CHRNA7: variants seen among roughly 807,000 people sequenced by gnomAD.
CHRNA7 encodes neuronal acetylcholine receptor subunit alpha-7.
A neutral mutation model predicts 48.0 loss-of-function variants in CHRNA7; 17 were observed. The observed-to-expected ratio is 0.35, with a 90% confidence interval of 0.24 to 0.53. The LOEUF (loss-of-function observed/expected upper bound fraction) is 0.53. Among genes scored for constraint, CHRNA7 ranks in the 20% least tolerant of loss-of-function variants. The probability of loss-of-function intolerance (pLI) is 0.92; values close to 1 mark genes in which losing one functional copy is unlikely to be tolerated. For missense variants in CHRNA7, 155 were observed against 577.7 expected (o/e 0.27, Z 7.50); for synonymous variants, 75 against 242.3 (o/e 0.31, Z 6.41).
chr15:32,044,253 CTCCTTCCT>C (rs10638387), intron 2 of CHRNA7, among the ~76,000 whole-genome samples: 15 of 140,918 alleles, frequency 1.1e-4, no homozygotes, highest in East Asian at 8.4e-4. Context: ...CGATCTTTTC[CTCCTTCCT>C]TCCTTCCTTC....
intron 2 of CHRNA7, among the ~76,000 whole-genome samples, chr15:32,080,614 A>G (rs1195628284): frequency 6.6e-6 from 1 of 152,196 alleles, no homozygotes; most frequent in Non-Finnish European, 1.5e-5. Flanking sequence ...TGCCAGTCAG[A>G]ATGGCGATTA....
intron 4 of CHRNA7, among the ~76,000 whole-genome samples, chr15:32,132,790 C>T (rs867973564): frequency 6.6e-6 from 1 of 152,134 alleles, no homozygotes; most frequent in African/African-American, 2.4e-5. Context: ...TCTTGCTTAT[C>T]GTTTTTAGCC....
chr15:32,147,349 C>T (rs1246519897), intron 4 of CHRNA7, among the ~76,000 whole-genome samples: 4 of 152,158 alleles, frequency 2.6e-5, no homozygotes, highest in African/African-American at 4.8e-5. Context: ...GCATCGCATG[C>T]GATATACCCA....
chr15:32,086,135 T>C (rs1171688770), intron 2 of CHRNA7, among the ~76,000 whole-genome samples: 2 of 152,054 alleles, frequency 1.3e-5, no homozygotes, highest in East Asian at 1.9e-4. Flanking sequence ...TTTGGGAGGC[T>C]GAGGCGGGCA....
At chr15:32,033,697 C>T (rs1901952184) in intron 2 of CHRNA7, among the ~76,000 whole-genome samples, 1 of 152,218 alleles carries the variant, frequency 6.6e-6, no homozygotes, top group African/African-American at 2.4e-5. Context: ...AATCTCAGCG[C>T]TCTGGACAGA....
At chr15:32,115,223 G>A (rs2050848180) in intron 4 of CHRNA7, among the ~76,000 whole-genome samples, 1 of 152,164 alleles carries the variant, frequency 6.6e-6, no homozygotes. Context: ...GGACACTAGT[G>A]ATCACAGCTA....
chr15:32,060,403 A>G (rs953397980), intron 2 of CHRNA7, among the ~76,000 whole-genome samples: 1 of 152,230 alleles, frequency 6.6e-6, no homozygotes, highest in African/African-American at 2.4e-5. Context: ...CATATATAGA[A>G]AAAATAAATT....
In CHRNA7 at chr15:32,106,969, G is replaced by T. The variant is rs915769582; in HGVS notation, c.241-4821G>T. On this transcript the variant is annotated intron_variant, in intron 3 of 9. Coordinates refer to ENST00000306901, the MANE Select transcript of CHRNA7 (RefSeq NM_000746.6). Reference sequence around the variant, plus strand: ...TTACAGACAAGCCGGCTAGTGGCTTGCTTAGGGCTGTGATGGCATCTCAAG... The same window carrying T: ...TTACAGACAAGCCGGCTAGTGGCTTTCTTAGGGCTGTGATGGCATCTCAAG... 2.6e-5 allele frequency among the ~76,000 whole-genome samples: 4 copies of T among 152,278 alleles called. No homozygotes were observed. In the East Asian group the frequency reaches 7.7e-4, roughly 29 times the overall value.
intron 3 of CHRNA7, among the ~76,000 whole-genome samples, chr15:32,105,951 C>T (rs1049935427): frequency 6.6e-6 from 1 of 152,170 alleles, no homozygotes; most frequent in Non-Finnish European, 1.5e-5. Context: ...TCCCCGCCCC[C>T]ACCCAGTGTT....
chr15:32,133,722 G>A (rs2051195854), intron 4 of CHRNA7, among the ~76,000 whole-genome samples: 1 of 152,200 alleles, frequency 6.6e-6, no homozygotes, highest in South Asian at 2.1e-4. Flanking sequence ...GCCTCCTGGT[G>A]CTGGTTTGAT....
chr15:32,129,130 T>C (rs1022104152), intron 4 of CHRNA7, among the ~76,000 whole-genome samples: 1 of 151,964 alleles, frequency 6.6e-6, no homozygotes, highest in African/African-American at 2.4e-5. Flanking sequence ...GTGTAATTCC[T>C]TATATATACT....
chr15:32,051,987 T>TG (rs2141189759), intron 2 of CHRNA7, among the ~76,000 whole-genome samples: 1 of 152,300 alleles, frequency 6.6e-6, no homozygotes, highest in South Asian at 2.1e-4. Flanking sequence ...CTCTCTTCAG[T>TG]AAGTCTTGAG....
intron 4 of CHRNA7, among the ~76,000 whole-genome samples, chr15:32,121,799 C>T (rs1011545029): frequency 6.6e-6 from 1 of 151,892 alleles, no homozygotes; most frequent in African/African-American, 2.4e-5. Context: ...GGGCCCTTAG[C>T]GGGGAGGGGG....
chr15:32,038,689 T>C (rs1054787597), intron 2 of CHRNA7, among the ~76,000 whole-genome samples: 2 of 152,198 alleles, frequency 1.3e-5, no homozygotes, highest in African/African-American at 4.8e-5. Context: ...TGAGCATTTT[T>C]GAATCTGTGT....
intron 3 of CHRNA7, among the ~76,000 whole-genome samples, chr15:32,107,969 G>C (rs1038358640): frequency 6.6e-6 from 1 of 152,118 alleles, no homozygotes; most frequent in Non-Finnish European, 1.5e-5. Context: ...GAAATTCCCA[G>C]GGCTTTGGAA....
chr15:32,044,380 C>T (rs958988608), intron 2 of CHRNA7, among the ~76,000 whole-genome samples: 8 of 152,056 alleles, frequency 5.3e-5, no homozygotes, highest in African/African-American at 1.9e-4. Context: ...TGGATTCAAG[C>T]AATTCTTCTG....
intron 4 of CHRNA7, among the ~76,000 whole-genome samples, chr15:32,127,062 G>C (rs944518484): frequency 3.9e-5 from 6 of 152,170 alleles, no homozygotes; most frequent in Admixed American, 2.0e-4. Context: ...CATCCCGCTT[G>C]TCCCTAACTA....
chr15:32,142,157 T>G (rs1426799106), intron 4 of CHRNA7, among the ~76,000 whole-genome samples: 1 of 152,246 alleles, frequency 6.6e-6, no homozygotes, highest in African/African-American at 2.4e-5. Context: ...CGAAGGCCTT[T>G]TCTGCATCTA....
intron 4 of CHRNA7, among the ~76,000 whole-genome samples, chr15:32,138,128 G>A (rs949433618): frequency 2.6e-5 from 4 of 152,004 alleles, no homozygotes; most frequent in Non-Finnish European, 5.9e-5. Context: ...AGAGATCAAC[G>A]AAGGACAAAT....
Sources: allele counts gnomAD v4.1 joint callset (sites outside exome capture counted in the v4.1 genomes callset), GRCh38; gene constraint gnomAD v4.1.1; transcripts MANE v1.5; gene names NCBI Gene and HGNC (gene_info 2026-07-23, HGNC 2026-07-21).